SPAG16: variants seen among roughly 807,000 people sequenced by gnomAD.
The protein encoded by SPAG16 is sperm associated antigen 16.
A neutral mutation model predicts 80.4 loss-of-function variants in SPAG16; 86 were observed. The ratio of observed to expected loss-of-function variants is 1.07; its 90% CI spans 0.90 to 1.28. The LOEUF (loss-of-function observed/expected upper bound fraction) is 1.28. Ranked by LOEUF, SPAG16 falls within the 50% of genes most tolerant of loss-of-function variation. The pLI is 0.00. For synonymous variants in SPAG16, 294 were observed against 265.9 expected (o/e 1.11, Z -1.03); for missense variants, 870 against 765.3 (o/e 1.14, Z -1.61).
intron 15 of SPAG16, among the ~76,000 whole-genome samples, chr2:214,152,668 C>T (rs2056030385): frequency 6.6e-6 from 1 of 152,058 alleles, no homozygotes; most frequent in Admixed American, 6.6e-5. Context: ...TGCGCGGAGA[C>T]CAGTAGTGGC....
At chr2:214,276,394 G>A (rs1422144906) in intron 15 of SPAG16, among the ~76,000 whole-genome samples, 3 of 152,188 alleles carry the variant, frequency 2.0e-5, no homozygotes, top group African/African-American at 7.2e-5. Context: ...TAGCATTGGT[G>A]GTCTTTACAA....
chr2:214,349,687 T>C (rs1344967313), intron 15 of SPAG16, among the ~76,000 whole-genome samples: 1 of 152,376 alleles, frequency 6.6e-6, no homozygotes, highest in East Asian at 1.9e-4. Flanking sequence ...AGTATCATTT[T>C]ATGTTCTCAC....
At chr2:214,114,678 C>T (rs2016054) in intron 14 of SPAG16, among the ~76,000 whole-genome samples, 64,181 of 152,030 alleles carry the variant, frequency 0.42, 14,520 homozygotes, top group South Asian at 0.52. Context: ...AGTATTTGGG[C>T]GGGAGTGTCC....
At chr2:213,368,565 G>A (rs1048572397) in intron 8 of SPAG16, among the ~76,000 whole-genome samples, 38 of 152,042 alleles carry the variant, frequency 2.5e-4, no homozygotes, top group Non-Finnish European at 4.0e-4. Flanking sequence ...TTCTGGCCAG[G>A]GCAATTAGTC....
At chr2:213,653,733 A>G (rs1187657232) in intron 10 of SPAG16, among the ~76,000 whole-genome samples, 2 of 152,178 alleles carry the variant, frequency 1.3e-5, no homozygotes, top group Non-Finnish European at 2.9e-5. Context: ...CAAATTGACT[A>G]TCATTATTTT....
At chr2:213,792,749 G>A (rs191405071) in intron 10 of SPAG16, among the ~76,000 whole-genome samples, 1,489 of 147,066 alleles carry the variant, frequency 0.01, 14 homozygotes, top group Middle Eastern at 0.024. Context: ...GTGCCCAGCC[G>A]AAAATGAGAA....
intron 12 of SPAG16, among the ~76,000 whole-genome samples, chr2:214,006,465 A>G (rs2047029845): frequency 6.6e-6 from 1 of 152,196 alleles, no homozygotes; most frequent in African/African-American, 2.4e-5. Flanking sequence ...TTCAGTTACC[A>G]AAATAACAAA....
At chr2:213,478,156 G>A (rs1327160516) in intron 9 of SPAG16, among the ~76,000 whole-genome samples, 5 of 152,178 alleles carry the variant, frequency 3.3e-5, no homozygotes, top group Non-Finnish European at 7.4e-5. Flanking sequence ...CCAGCGATCT[G>A]GAGCTGAGTC....
chr2:213,955,413 T>A (rs1308151357), intron 12 of SPAG16, among the ~76,000 whole-genome samples: 3 of 152,184 alleles, frequency 2.0e-5, no homozygotes, highest in African/African-American at 7.2e-5. Flanking sequence ...TTGTTCAAAC[T>A]TTAGTTGAAA....
intron 10 of SPAG16, among the ~76,000 whole-genome samples, chr2:213,726,622 T>C (rs1397460621): frequency 6.6e-6 from 1 of 152,244 alleles, no homozygotes; most frequent in Non-Finnish European, 1.5e-5. Flanking sequence ...CGCACCACAC[T>C]ACACTGGTCT....
In SPAG16 at chr2:213,302,622, G is replaced by GGTGTGTGTGTGT. The variant is rs778369117; in HGVS notation, c.279+5292_279+5303dup. ...CATGATCACATTAGAGCTTGGAAGG[G>GGTGTGTGTGTGT]GTGTGTGTGTGTGTGTGTGTGTGTG... On this transcript the variant is annotated intron_variant, in intron 3 of 15. Coordinates refer to ENST00000331683, the MANE Select transcript of SPAG16 (RefSeq NM_024532.5). 200 of 64,928 alleles carry GGTGTGTGTGTGT rather than the reference G, an allele frequency of 3.1e-3. 2 individuals carry two copies. Among genetic ancestry groups the GGTGTGTGTGTGT allele is most frequent in the African/African-American group, 0.01 (184 of 17,870 alleles). The allele number at this position is 64,928 out of a possible 1,614,324, so 4.0% of individuals were successfully genotyped here. A position where few individuals can be genotyped will look rare whatever the true frequency, so the allele number is the denominator to read the frequency against.
At chr2:214,394,666 C>T (rs944864246) in intron 15 of SPAG16, among the ~76,000 whole-genome samples, 1 of 152,154 alleles carries the variant, frequency 6.6e-6, no homozygotes, top group Non-Finnish European at 1.5e-5. Context: ...ACATGCACAG[C>T]CTCCTTGATT....
chr2:214,264,252 T>C (rs1691383545), intron 15 of SPAG16, among the ~76,000 whole-genome samples: 1 of 152,144 alleles, frequency 6.6e-6, no homozygotes, highest in South Asian at 2.1e-4. Flanking sequence ...CCAGTGTACC[T>C]TATATAAATT....
At chr2:213,448,999 A>G (rs1218545469) in intron 9 of SPAG16, among the ~76,000 whole-genome samples, 5 of 152,202 alleles carry the variant, frequency 3.3e-5, no homozygotes, top group Non-Finnish European at 2.9e-5. Context: ...GCCTATAAAC[A>G]GTTGTGCAAG....
chr2:213,794,063 T>C (rs80346529), intron 10 of SPAG16, among the ~76,000 whole-genome samples: 7,313 of 152,262 alleles, frequency 0.048, 302 homozygotes, highest in Non-Finnish European at 0.067. Flanking sequence ...TTACAAAGTA[T>C]AATAAAGACT....
intron 10 of SPAG16, among the ~76,000 whole-genome samples, chr2:213,548,767 A>T (rs973463345): frequency 1.3e-5 from 2 of 152,014 alleles, no homozygotes; most frequent in African/African-American, 4.8e-5. Flanking sequence ...ATAAACTTTA[A>T]ATATTTTCCC....
chr2:213,342,318 T>TATATATATATG (rs1559430432), intron 6 of SPAG16, among the ~76,000 whole-genome samples: 3 of 120,320 alleles, frequency 2.5e-5, no homozygotes, highest in Admixed American at 1.0e-4. Flanking sequence ...ATATATATGT[T>TATATATATATG]ACATATATGT....
chr2:214,160,104 G>C (rs2056378717), intron 15 of SPAG16, among the ~76,000 whole-genome samples: 1 of 151,850 alleles, frequency 6.6e-6, no homozygotes, highest in Non-Finnish European at 1.5e-5. Context: ...CAAACAAACT[G>C]TTCCACATGT....
At chr2:214,033,684 A>G (rs369212384) in intron 13 of SPAG16, among the ~76,000 whole-genome samples, 1 of 151,606 alleles carries the variant, frequency 6.6e-6, no homozygotes, top group African/African-American at 2.4e-5. Context: ...ACATTTTACT[A>G]TTTTTTTTTA....
Sources: allele counts gnomAD v4.1 joint callset (sites outside exome capture counted in the v4.1 genomes callset), GRCh38; gene constraint gnomAD v4.1.1; transcripts MANE v1.5; gene names NCBI Gene and HGNC (gene_info 2026-07-23, HGNC 2026-07-21).